PSME4: variants seen among roughly 807,000 people sequenced by gnomAD.
The protein encoded by PSME4 is proteasome activator subunit 4, also known as proteasome activator complex subunit 4.
PSME4 carries 89 observed loss-of-function variants against 253.9 expected under a neutral mutation model. The ratio of observed to expected loss-of-function variants is 0.35; its 90% CI spans 0.30 to 0.42. PSME4 has a LOEUF of 0.42. Among genes scored for constraint, PSME4 ranks in the 10% least tolerant of loss-of-function variants. The pLI is 1.00. For missense variants in PSME4, 2,014 were observed against 2,195.2 expected (o/e 0.92, Z 1.65); for synonymous variants, 851 against 759.2 (o/e 1.12, Z -1.99).
intron 34 of PSME4, 141 bp downstream of exon 34, chr2:53,894,866 C>T (rs1680072367): frequency 1.5e-6 from 1 of 671,758 alleles, no homozygotes; most frequent in African/African-American, 1.8e-5. Flanking sequence ...ATTACATAGT[C>T]ACCAATATTT....
rs371603484 is a variant in PSME4, at chr2:53,868,664, A to C, written c.5263+712T>G. Among the ~76,000 whole-genome samples, 18 of 147,410 alleles carry C rather than the reference A, an allele frequency of 1.2e-4. No individual in the cohort carries two copies. The South Asian group carries it at 2.1e-3, about 17-fold the overall frequency. On this transcript the variant is annotated intron_variant, in intron 44 of 46. Transcript: ENST00000404125. ...ATACTAGAATGTACATTGATATTTT[A>C]TTGGATTCTGTTACTAGGTAACTTT...
At chr2:53,927,290 GT>G (rs1668598731) in intron 12 of PSME4, 103 bp downstream of exon 12, 1 of 819,378 alleles carries the variant, frequency 1.2e-6, no homozygotes, top group African/African-American at 1.7e-5. Context: ...TCACAAAATA[GT>G]GATTTTACTT....
chr2:53,906,728 G>C, intron 25 of PSME4, 35 bp from the exon 26 acceptor site: 3 of 1,594,116 alleles, frequency 1.9e-6, no homozygotes, highest in African/African-American at 1.4e-5. Context: ...ACTAAAATTT[G>C]ATTATGAAAA....
At chr2:53,866,967 G>A (rs192115492) in intron 44 of PSME4, 87 bp from the exon 45 acceptor site, 801 of 1,312,418 alleles carry the variant, frequency 6.1e-4, no homozygotes, top group Admixed American at 1.1e-3. Flanking sequence ...TTTCAATTGT[G>A]TTGTTTTCAA....
chr2:53,900,552 A>T (rs1323843427), intron 28 of PSME4, among the ~76,000 whole-genome samples: 1 of 152,200 alleles, frequency 6.6e-6, no homozygotes, highest in East Asian at 1.9e-4. Flanking sequence ...ACAAAGAAAA[A>T]GGAAAATGTT....
intron 1 of PSME4, among the ~76,000 whole-genome samples, chr2:53,957,398 G>T (rs1443609656): frequency 6.6e-6 from 1 of 152,154 alleles, no homozygotes; most frequent in African/African-American, 2.4e-5. Context: ...CTGCAACTTA[G>T]ATGGTCCCAT....
chr2:53,948,765 T>C (rs555642400), intron 2 of PSME4, among the ~76,000 whole-genome samples: 2 of 152,298 alleles, frequency 1.3e-5, no homozygotes, highest in South Asian at 4.1e-4. Context: ...GGCATTTAAA[T>C]TTGTGTCGCC....
At chr2:53,895,846 A>G in intron 32 of PSME4, 110 bp from the exon 33 acceptor site, 1 of 977,166 alleles carries the variant, frequency 1.0e-6, no homozygotes. Context: ...AAACAACACT[A>G]CAAAAATAAC....
chr2:53,970,497 C>G, intron 1 of PSME4, 46 bp downstream of exon 1: 2 of 1,547,650 alleles, frequency 1.3e-6, no homozygotes, highest in South Asian at 1.2e-5. Flanking sequence ...ACACCTCTCA[C>G]TGAGCCTTTC....
chr2:53,890,002 A>G (rs1447351800), intron 37 of PSME4, 102 bp downstream of exon 37: 1 of 932,194 alleles, frequency 1.1e-6, no homozygotes, highest in Non-Finnish European at 1.7e-6. Flanking sequence ...AACAAAACCC[A>G]AAAAGATTTA....
intron 20 of PSME4, among the ~76,000 whole-genome samples, chr2:53,915,378 A>G (rs930307465): frequency 1.3e-5 from 2 of 151,852 alleles, no homozygotes; most frequent in African/African-American, 4.8e-5. Flanking sequence ...AGATGAAGGG[A>G]GCAGTGAACC....
chr2:53,878,817 T>C (rs1679251511), intron 41 of PSME4, among the ~76,000 whole-genome samples: 1 of 152,212 alleles, frequency 6.6e-6, no homozygotes, highest in Admixed American at 6.5e-5. Context: ...GCCCGAAACT[T>C]AATTAGCAAT....
chr2:53,898,047 G>C lies in PSME4; in HGVS notation c.3477-48C>G, dbSNP rs769652935. ...AAGCATATCACACATAAAACCACTTGGAAAAAAAAAACTGTATGTGAAACA... is the reference window on the plus strand; with the variant it reads ...AAGCATATCACACATAAAACCACTTCGAAAAAAAAAACTGTATGTGAAACA... On this transcript the variant is annotated intron_variant, in intron 30 of 46. Coordinates refer to ENST00000404125, the MANE Select transcript of PSME4 (RefSeq NM_014614.3). 162 of 1,553,988 alleles carry C rather than the reference G, an allele frequency of 1.0e-4. 1 individual carries two copies. Among genetic ancestry groups the C allele is most frequent in the Middle Eastern group, 8.6e-4 (5 of 5,812 alleles).
chr2:53,895,448 AAAAG>A (rs1680096983), intron 33 of PSME4, 131 bp downstream of exon 33: 2 of 919,484 alleles, frequency 2.2e-6, no homozygotes, highest in South Asian at 1.8e-5. Context: ...TGGCAGGAGC[AAAAG>A]AAAGAGAGGA....
In PSME4 at chr2:53,940,978, T is replaced by A. The variant is rs60105223; in HGVS notation, c.501-978A>T. 8.6e-4 allele frequency among the ~76,000 whole-genome samples: 61 copies of A among 71,002 alleles called. 3 individuals carry two copies. The highest frequency in any genetic ancestry group is 2.1e-3 in the African/African-American group (52 of 24,602). The allele number at this position is 71,002 out of a possible 152,430, so 46.6% of individuals were successfully genotyped here. On this transcript the variant is annotated intron_variant, in intron 3 of 46. Transcript: ENST00000404125. ...ATATATATATATATATATATATATA[T>A]ATATATATATATATATATATATGAA... is the stretch of plus-strand genomic sequence containing the variant.
At chr2:53,904,249 CAT>C in intron 26 of PSME4, 93 bp from the exon 27 acceptor site, 6 of 1,267,206 alleles carry the variant, frequency 4.7e-6, no homozygotes, top group Non-Finnish European at 4.3e-6. Flanking sequence ...TGATAATTTA[CAT>C]GTTTTTCTCA....
intron 5 of PSME4, among the ~76,000 whole-genome samples, 181 bp from the exon 6 acceptor site, chr2:53,937,008 C>G (rs1298964006): frequency 6.6e-6 from 1 of 152,044 alleles, no homozygotes; most frequent in East Asian, 1.9e-4. Context: ...TATTCCTTTC[C>G]TAATTTATTT....
At chr2:53,874,660 G>A (rs1679040572) in intron 42 of PSME4, among the ~76,000 whole-genome samples, 166 bp from the exon 43 acceptor site, 1 of 152,208 alleles carries the variant, frequency 6.6e-6, no homozygotes, top group African/African-American at 2.4e-5. Flanking sequence ...GTTGAATGAG[G>A]CTGGGCACAG....
chr2:53,966,761 T>C (rs1158466827), intron 1 of PSME4, among the ~76,000 whole-genome samples: 1 of 151,880 alleles, frequency 6.6e-6, no homozygotes, highest in Non-Finnish European at 1.5e-5. Flanking sequence ...GAGGCTGGAG[T>C]GGCGCTTGGC....
Sources: allele counts gnomAD v4.1 joint callset (sites outside exome capture counted in the v4.1 genomes callset), GRCh38; gene constraint gnomAD v4.1.1; transcripts MANE v1.5; gene names NCBI Gene and HGNC (gene_info 2026-07-23, HGNC 2026-07-21).